MAP3K13: variants seen among roughly 807,000 people sequenced by gnomAD.
The protein encoded by MAP3K13 is mitogen-activated protein kinase kinase kinase 13, also known as leucine zipper-bearing kinase.
Under a neutral mutation model 104.0 loss-of-function variants are expected in MAP3K13, and 52 were observed. The observed-to-expected ratio is 0.50, with a 90% CI of 0.40 to 0.63. The LOEUF (loss-of-function observed/expected upper bound fraction) is 0.63, where lower values mean the gene tolerates loss of function less well. Among genes scored for constraint, MAP3K13 ranks in the 20% least tolerant of loss-of-function variants. The pLI, the probability that MAP3K13 is intolerant of heterozygous loss-of-function variation, is 0.00. For synonymous variants in MAP3K13, 394 were observed against 442.2 expected (o/e 0.89, Z 1.37); for missense variants, 914 against 1,218.5 (o/e 0.75, Z 3.72).
rs929758747 is a variant in MAP3K13 at position 185,488,142 on chromosome 3, C to T, written c.*5686C>T. The T allele has an allele frequency of 4.7e-5, 7 of 149,460 alleles. No individual in the cohort carries two copies. The highest frequency in any genetic ancestry group is 3.3e-4 in the Admixed American group (5 of 15,118). 9.3% of individuals were successfully genotyped at this position (149,460 alleles called of 1,614,324 possible). A position where few individuals can be genotyped will look rare whatever the true frequency, so the allele number is the denominator to read the frequency against. ...TATAAACAGAAAATTAATATAAGTC[C>T]CAGTTACTTGCTTCTTAGACTCTGT... On this transcript the variant is annotated 3_prime_UTR_variant, in exon 14 of 14. Transcript: ENST00000265026.
Position 185,485,421 on chromosome 3 carries a change from T to C in MAP3K13, c.*2965T>C, listed in dbSNP as rs961992447. On this transcript the variant is annotated 3_prime_UTR_variant, in exon 14 of 14. Coordinates refer to ENST00000265026, the MANE Select transcript of MAP3K13 (RefSeq NM_004721.5). ...ACGCTCAACAGCAGTCCAAAAATATTTGATGGAACATTCCAGAAATAAACA... is the reference window on the plus strand; with the variant it reads ...ACGCTCAACAGCAGTCCAAAAATATCTGATGGAACATTCCAGAAATAAACA... 6.6e-6 allele frequency: 1 copy of C among 152,198 alleles called. No homozygotes were observed. Among genetic ancestry groups the C allele is most frequent in the African/African-American group, 2.4e-5 (1 of 41,434 alleles). 9.4% of individuals were successfully genotyped at this position (152,198 alleles called of 1,614,324 possible).
chr3:185,418,574 T>G lies in MAP3K13; in HGVS notation c.-85-9923T>G. 2 of 1,612,362 alleles carry G rather than the reference T, an allele frequency of 1.2e-6. No individual in the cohort carries two copies. Among genetic ancestry groups the G allele is most frequent in the Non-Finnish European group, 1.7e-6 (2 of 1,179,806 alleles). ...GGAATTCGAGCCATAGCTCTGCCAG[T>G]ACCCCAAGACTCAGCACTGGTCTGA... On this transcript the variant is annotated intron_variant, in intron 1 of 13. Transcript: ENST00000265026. This position sits in a 1 kb window ranked among gnomAD's most constrained non-coding sequence, Gnocchi z 4.5.
At chr3:185,304,127 G>A (rs1452265915) in intron 2 of MAP3K13, among the ~76,000 whole-genome samples, 1 of 152,128 alleles carries the variant, frequency 6.6e-6, no homozygotes. Flanking sequence ...GAGTTTTCCA[G>A]TTTTCCTTTT....
intron 2 of MAP3K13, 72 bp from the exon 3 acceptor site, chr3:185,437,375 A>G (rs1715099139): frequency 2.2e-6 from 3 of 1,360,582 alleles, no homozygotes; most frequent in Admixed American, 2.1e-5. Flanking sequence ...TGAAGTTGGT[A>G]CCTTCAGAAT....
chr3:185,419,380 A>C (rs1271299799), intron 1 of MAP3K13, among the ~76,000 whole-genome samples: 1 of 152,246 alleles, frequency 6.6e-6, no homozygotes, highest in Non-Finnish European at 1.5e-5. Flanking sequence ...TTAACATTTC[A>C]CATCATTTTT....
At chr3:185,365,873 TCCCCTCCCCTC>T (rs1553794349) in intron 1 of MAP3K13, among the ~76,000 whole-genome samples, 1 of 3,502 alleles carries the variant, frequency 2.9e-4, no homozygotes, top group Non-Finnish European at 5.0e-4. Context: ...TCCCCTCCCC[TCCCCTCCCCTC>T]CCCTCCCCTC....
At chr3:185,387,706 C>G (rs1711780062) in intron 1 of MAP3K13, among the ~76,000 whole-genome samples, 1 of 152,066 alleles carries the variant, frequency 6.6e-6, no homozygotes, top group African/African-American at 2.4e-5. Context: ...AAACTCACAG[C>G]TATCATCACA....
rs1340832128 is a variant in MAP3K13, at chr3:185,451,267, A to G, written c.1170-20A>G. ...TGGATACAACTTCTGAAATGCACAAACTGTCTTTTTCACTTTTAGGCAGAG... is the reference window on the plus strand; with the variant it reads ...TGGATACAACTTCTGAAATGCACAAGCTGTCTTTTTCACTTTTAGGCAGAG... On this transcript the variant is annotated intron_variant, in intron 6 of 13. Transcript: ENST00000265026. 1 of 1,551,222 alleles carries G rather than the reference A, an allele frequency of 6.4e-7. No homozygotes were observed. Among genetic ancestry groups the G allele is most frequent in the Non-Finnish European group, 8.8e-7 (1 of 1,132,410 alleles).
chr3:185,288,205 A>T (rs1429863471), intron 2 of MAP3K13, among the ~76,000 whole-genome samples: 1 of 152,122 alleles, frequency 6.6e-6, no homozygotes, highest in Non-Finnish European at 1.5e-5. Flanking sequence ...CTTTTCCTAA[A>T]TCAAGAGGAT....
intron 4 of MAP3K13, among the ~76,000 whole-genome samples, chr3:185,447,494 C>CAAAAAA (rs1178155454): frequency 1.8e-4 from 5 of 28,394 alleles, no homozygotes; most frequent in Non-Finnish European, 3.3e-4. Context: ...AACTCTGTCT[C>CAAAAAA]AAAAAAAAAA....
At chr3:185,286,956 C>T (rs904129096) in intron 2 of MAP3K13, among the ~76,000 whole-genome samples, 1 of 152,078 alleles carries the variant, frequency 6.6e-6, no homozygotes, top group Admixed American at 6.5e-5. Flanking sequence ...GAGCCTTTTA[C>T]TATTCCCTTA....
chr3:185,354,794 A>C (rs1299336831), intron 2 of MAP3K13, among the ~76,000 whole-genome samples: 2 of 152,066 alleles, frequency 1.3e-5, no homozygotes, highest in Non-Finnish European at 2.9e-5. Flanking sequence ...CATCTCACCA[A>C]AGCTCCTTGA....
At chr3:185,421,071 G>A (rs1299156882) in intron 1 of MAP3K13, among the ~76,000 whole-genome samples, 1 of 152,200 alleles carries the variant, frequency 6.6e-6, no homozygotes, top group African/African-American at 2.4e-5. Flanking sequence ...ACCCTTTGCG[G>A]ATCGGGACCT....
chr3:185,448,091 G>A (rs761107615), intron 5 of MAP3K13, 144 bp downstream of exon 5: 1 of 939,100 alleles, frequency 1.1e-6, no homozygotes, highest in South Asian at 1.3e-5. Context: ...TATTTTCTGA[G>A]GTACTTCCCA....
chr3:185,382,668 G>GT (rs750139382), intron 1 of MAP3K13, among the ~76,000 whole-genome samples: 61 of 152,012 alleles, frequency 4.0e-4, no homozygotes, highest in Admixed American at 7.9e-4. Context: ...GAATAAGTGG[G>GT]TTTTCACTCT....
chr3:185,455,735 TGA>T (rs1320163522), intron 7 of MAP3K13, among the ~76,000 whole-genome samples: 3 of 36,652 alleles, frequency 8.2e-5, no homozygotes, highest in African/African-American at 2.2e-4. Flanking sequence ...GATATATATA[TGA>T]GATATATATA....
In MAP3K13 at chr3:185,363,444, G is replaced by A. The variant is rs189006965; in HGVS notation, c.-86+76G>A. 2.4e-5 allele frequency: 19 copies of A among 788,322 alleles called. No individual in the cohort carries two copies. In the East Asian group the frequency reaches 1.9e-3, roughly 79 times the overall value. 48.8% of individuals were successfully genotyped at this position (788,322 alleles called of 1,614,324 possible). A position where few individuals can be genotyped will look rare whatever the true frequency, so the allele number is the denominator to read the frequency against. Reference sequence around the variant, plus strand: ...GACAGACAGAGAATGTGTGATTTGAGGTGATTAGAAAGCTGATATTATTGA... The same window carrying A: ...GACAGACAGAGAATGTGTGATTTGAAGTGATTAGAAAGCTGATATTATTGA... On this transcript the variant is annotated intron_variant, in intron 1 of 13. Transcript: ENST00000265026.
chr3:185,426,951 AG>A (rs1167469376), intron 1 of MAP3K13, among the ~76,000 whole-genome samples: 1 of 152,174 alleles, frequency 6.6e-6, no homozygotes, highest in Non-Finnish European at 1.5e-5. Context: ...CTGCAAAATG[AG>A]GTCATCTTCA....
chr3:185,436,556 A>C (rs1683426951), intron 2 of MAP3K13, among the ~76,000 whole-genome samples: 1 of 152,224 alleles, frequency 6.6e-6, no homozygotes, highest in African/African-American at 2.4e-5. Context: ...AATAACTATA[A>C]TAAGGCCATA....
Sources: gnomAD v4.1 joint callset for allele counts (sites outside exome capture counted in the v4.1 genomes callset) on GRCh38, gnomAD v4.1.1 for gene constraint, Gnocchi (gnomAD v3.1) non-coding constraint, MANE v1.5 for transcripts, NCBI Gene and HGNC (gene_info 2026-07-23, HGNC 2026-07-21) for gene names.